The following RANBP2 variants were observed in gnomAD, a reference collection of about 807,000 sequenced individuals.
RANBP2 encodes RAN binding protein 2.
In RANBP2, 57 loss-of-function variants were observed where a neutral mutation model predicts 303.6. The observed-to-expected ratio is 0.19, with a 90% CI of 0.15 to 0.23. RANBP2 has a LOEUF of 0.23. Among genes scored for constraint, RANBP2 ranks in the 10% least tolerant of loss-of-function variants. The pLI is 1.00. For missense variants in RANBP2, 3,138 were observed against 3,780.8 expected, an observed-to-expected ratio of 0.83 and a Z score of 4.46; for synonymous variants, 1,167 against 1,301.5, an observed-to-expected ratio of 0.90 and a Z score of 2.23.
rs1304344179 is a variant in RANBP2, at chr2:108,731,348, A to G, written c.279A>G (p.Gln93=). The change falls in exon 4 of 29, where the codon CAA becomes CAG. Residue 93 remains glutamine (Q), a synonymous_variant. Coordinates refer to ENST00000283195, the MANE Select transcript of RANBP2 (RefSeq NM_006267.5). ...YRRSVELNPT[Q]KDLVLKIAEL... ...GTTCAGTGGAATTAAACCCAACACA[A>G]AAAGATCTTGTGTTGAAGATTGCAG... 2 of 1,611,306 alleles carry G rather than the reference A, an allele frequency of 1.2e-6. No homozygotes were observed. Among genetic ancestry groups the G allele is most frequent in the Non-Finnish European group, 1.7e-6 (2 of 1,179,514 alleles).
chr2:109,486,862 T>A, the RANBP2 span, among the ~76,000 whole-genome samples: 5 of 152,184 alleles, frequency 3.3e-5, no homozygotes, highest in Non-Finnish European at 7.3e-5. Flanking sequence ...TCTCGGCAGA[T>A]CTGTCTCCCG....
the RANBP2 span, among the ~76,000 whole-genome samples, chr2:109,001,849 GC>G: frequency 6.6e-6 from 1 of 151,798 alleles, no homozygotes; most frequent in Non-Finnish European, 1.5e-5. Context: ...TCCTGCCTCA[GC>G]CCCCAAGTAG....
the RANBP2 span, among the ~76,000 whole-genome samples, chr2:109,649,382 T>C: frequency 6.6e-6 from 1 of 152,068 alleles, no homozygotes; most frequent in African/African-American, 2.4e-5. Context: ...TATTTAAAGG[T>C]ATTATGAATT....
At chr2:109,393,432 G>A in the RANBP2 span, among the ~76,000 whole-genome samples, 8 of 152,200 alleles carry the variant, frequency 5.3e-5, no homozygotes, top group African/African-American at 1.2e-4. Flanking sequence ...CTATTGAGCC[G>A]GAGTTGGCCT....
In RANBP2 at chr2:108,749,073, T is replaced by C. The variant is rs760348187; in HGVS notation, c.1217T>C (p.Ile406Thr). The change falls in exon 9 of 29, where the codon ATT (isoleucine) becomes ACT (threonine). Residue 406 changes from isoleucine to threonine, a missense_variant. Physicochemically the swap from Ile to Thr is moderately conservative, Grantham distance 89 (BLOSUM62 -1). Coordinates refer to ENST00000283195, the MANE Select transcript of RANBP2 (RefSeq NM_006267.5). Reference protein sequence around the residue: ...KDTSFLGSDDIGNIDVREPEL... With the variant: ...KDTSFLGSDDTGNIDVREPEL... Reference sequence around the variant, plus strand: ...ACATCTTTTCTTGGTAGCGATGATATTGGAAACATTGATGTACGAGAACCA... The same window carrying C: ...ACATCTTTTCTTGGTAGCGATGATACTGGAAACATTGATGTACGAGAACCA... 9 of 1,612,004 alleles carry C rather than the reference T, an allele frequency of 5.6e-6. No individual in the cohort carries two copies. The highest frequency in any genetic ancestry group is 4.4e-5 in the South Asian group (4 of 90,990).
the RANBP2 span, among the ~76,000 whole-genome samples, chr2:109,692,279 C>CT: frequency 6.7e-6 from 1 of 149,996 alleles, no homozygotes; most frequent in Admixed American, 6.7e-5. Flanking sequence ...AGAGAGGGGG[C>CT]TGCCTCAGGC....
the RANBP2 span, among the ~76,000 whole-genome samples, chr2:108,810,662 C>T: frequency 6.6e-6 from 1 of 152,128 alleles, no homozygotes; most frequent in Non-Finnish European, 1.5e-5. Context: ...CATGGTAGTG[C>T]TGGCTTTGTA....
chr2:109,723,312 G>C, the RANBP2 span, among the ~76,000 whole-genome samples: 1 of 151,972 alleles, frequency 6.6e-6, no homozygotes. Flanking sequence ...CCACACGCCC[G>C]GCTAATTTTT....
At chr2:109,423,742 C>T in the RANBP2 span, among the ~76,000 whole-genome samples, 1 of 152,190 alleles carries the variant, frequency 6.6e-6, no homozygotes, top group Non-Finnish European at 1.5e-5. Flanking sequence ...CCCATGGTCA[C>T]CCCTTCCAGG....
chr2:109,153,698 C>T, the RANBP2 span, among the ~76,000 whole-genome samples: 1 of 152,212 alleles, frequency 6.6e-6, no homozygotes, highest in African/African-American at 2.4e-5. Context: ...TTGATCTAGT[C>T]TCCAGGGTGT....
the RANBP2 span, among the ~76,000 whole-genome samples, chr2:109,497,684 T>C: frequency 6.6e-6 from 1 of 152,020 alleles, no homozygotes; most frequent in Non-Finnish European, 1.5e-5. Flanking sequence ...CAGCTCAGAG[T>C]CTTGGAATGA....
chr2:109,686,194 G>GT, the RANBP2 span, among the ~76,000 whole-genome samples: 3 of 152,164 alleles, frequency 2.0e-5, no homozygotes, highest in African/African-American at 7.2e-5. Flanking sequence ...AGGGCCCTGG[G>GT]TTTGTGTTGA....
chr2:109,210,025 G>A, the RANBP2 span, among the ~76,000 whole-genome samples: 1 of 152,200 alleles, frequency 6.6e-6, no homozygotes, highest in African/African-American at 2.4e-5. Flanking sequence ...CTCTGTGAAT[G>A]ACTATTCTAG....
At chr2:108,799,194 C>T in the RANBP2 span, among the ~76,000 whole-genome samples, 107 of 152,254 alleles carry the variant, frequency 7.0e-4, 2 homozygotes, top group Middle Eastern at 3.4e-3. Context: ...TTATATGTCA[C>T]ATTGTGGATT....
At chr2:109,183,822 C>T in the RANBP2 span, among the ~76,000 whole-genome samples, 382 of 152,302 alleles carry the variant, frequency 2.5e-3, no homozygotes, top group Non-Finnish European at 4.5e-3. Flanking sequence ...GTTACCTGTC[C>T]AGGGGCCCCT....
the RANBP2 span, among the ~76,000 whole-genome samples, chr2:109,305,192 G>A: frequency 6.6e-6 from 1 of 152,176 alleles, no homozygotes; most frequent in Non-Finnish European, 1.5e-5. Flanking sequence ...TGCCAGGGTT[G>A]TGATGTTCTA....
chr2:108,723,751 T>C (rs1232792622), intron 1 of RANBP2, among the ~76,000 whole-genome samples: 1 of 152,254 alleles, frequency 6.6e-6, no homozygotes, highest in Admixed American at 6.5e-5. Flanking sequence ...TTGTGCGGTT[T>C]TGTTTTTCCT....
At chr2:109,536,637 C>A in the RANBP2 span, among the ~76,000 whole-genome samples, 1 of 151,990 alleles carries the variant, frequency 6.6e-6, no homozygotes, top group Non-Finnish European at 1.5e-5. Flanking sequence ...GACTTTGGGG[C>A]TGTTGGGAAG....
At chr2:108,943,618 GCACAA>G in the RANBP2 span, among the ~76,000 whole-genome samples, 1 of 152,168 alleles carries the variant, frequency 6.6e-6, no homozygotes, top group Non-Finnish European at 1.5e-5. Context: ...TCACTTCCGA[GCACAA>G]CAGAATGTCC....
Sources: allele counts gnomAD v4.1 joint callset (sites outside exome capture counted in the v4.1 genomes callset), GRCh38; gene constraint gnomAD v4.1.1; transcripts MANE v1.5; gene names NCBI Gene and HGNC (gene_info 2026-07-23, HGNC 2026-07-21).